Variants in LRRIQ3 observed in about 807,000 individuals in gnomAD.
LRRIQ3 encodes the protein leucine rich repeats and IQ motif containing 3.
In LRRIQ3, 75 loss-of-function variants were observed where a neutral mutation model predicts 59.3. That is an observed-to-expected ratio of 1.26 (90% CI 1.05 to 1.53). The LOEUF is 1.53. LRRIQ3 is among the 40% of genes most tolerant of loss of function. LRRIQ3 has a pLI of 0.00. For missense variants in LRRIQ3, 831 were observed against 710.0 expected (o/e 1.17, Z -1.94); for synonymous variants, 250 against 231.3 (o/e 1.08, Z -0.73).
chr1:74,130,744 A>C (rs913124601), intron 4 of LRRIQ3, among the ~76,000 whole-genome samples: 11 of 152,060 alleles, frequency 7.2e-5, no homozygotes, highest in Non-Finnish European at 1.6e-4. Flanking sequence ...GTTTGTTTTT[A>C]AATAAAAATC....
intron 4 of LRRIQ3, among the ~76,000 whole-genome samples, chr1:74,112,640 G>A (rs970385159): frequency 1.3e-5 from 2 of 152,112 alleles, no homozygotes; most frequent in African/African-American, 4.8e-5. Context: ...CAGCCTAACA[G>A]GGAAATCAGA....
intron 3 of LRRIQ3, among the ~76,000 whole-genome samples, chr1:74,163,323 C>G (rs1174854543): frequency 6.6e-6 from 1 of 151,490 alleles, no homozygotes; most frequent in African/African-American, 2.4e-5. Context: ...ACTTCCCACA[C>G]TAGCATGGAA....
At chr1:74,133,413 G>C (rs1178846833) in intron 4 of LRRIQ3, among the ~76,000 whole-genome samples, 4 of 151,974 alleles carry the variant, frequency 2.6e-5, no homozygotes, top group Non-Finnish European at 4.4e-5. Flanking sequence ...ACATGCACAT[G>C]TATGTTTATT....
intron 7 of LRRIQ3, among the ~76,000 whole-genome samples, chr1:74,038,424 T>TC (rs902271946): frequency 3.9e-5 from 6 of 151,950 alleles, no homozygotes; most frequent in African/African-American, 1.2e-4. Flanking sequence ...CAAGTGGGTT[T>TC]CCCCCCCAGC....
intron 5 of LRRIQ3, among the ~76,000 whole-genome samples, chr1:74,080,484 G>C (rs17094819): frequency 0.034 from 5,088 of 151,668 alleles, 305 homozygotes; most frequent in African/African-American, 0.12. Context: ...GGTAGCAGTG[G>C]TAACCATTGC....
chr1:74,196,415 T>C (rs1651131195), intron 1 of LRRIQ3, among the ~76,000 whole-genome samples: 1 of 152,172 alleles, frequency 6.6e-6, no homozygotes, highest in South Asian at 2.1e-4. Flanking sequence ...TTAAAATTAA[T>C]TCTATCTTCT....
chr1:74,134,169 G>C (rs1647078516), intron 4 of LRRIQ3, among the ~76,000 whole-genome samples: 1 of 151,958 alleles, frequency 6.6e-6, no homozygotes, highest in African/African-American at 2.4e-5. Flanking sequence ...TCTTTCCAAA[G>C]AGTAATTGTA....
At chr1:74,178,861 C>A (rs1194261330) in intron 3 of LRRIQ3, among the ~76,000 whole-genome samples, 2 of 152,046 alleles carry the variant, frequency 1.3e-5, no homozygotes, top group African/African-American at 4.8e-5. Flanking sequence ...TTGTTCTCAT[C>A]AATCCCTTTT....
intron 5 of LRRIQ3, among the ~76,000 whole-genome samples, chr1:74,088,102 C>CA (rs1332964929): frequency 6.6e-6 from 1 of 150,932 alleles, no homozygotes; most frequent in Admixed American, 6.6e-5. Flanking sequence ...AACAAACAAA[C>CA]AAAAAAACAA....
intron 4 of LRRIQ3, among the ~76,000 whole-genome samples, chr1:74,113,332 T>C (rs1372892891): frequency 1.3e-5 from 2 of 151,690 alleles, no homozygotes; most frequent in African/African-American, 4.8e-5. Context: ...AAGAAAATAA[T>C]AGAGACAGAG....
At chr1:74,130,802 T>G (rs1466578371) in intron 4 of LRRIQ3, among the ~76,000 whole-genome samples, 1 of 152,042 alleles carries the variant, frequency 6.6e-6, no homozygotes, top group Non-Finnish European at 1.5e-5. Context: ...ATTGACACCC[T>G]AACATCACAA....
Position 74,041,535 on chromosome 1 carries a change from A to AT in LRRIQ3, c.1395dup (p.Tyr466IlefsTer8), listed in dbSNP as rs1456074613. 6 of 1,610,854 alleles carry AT rather than the reference A, an allele frequency of 3.7e-6. No individual in the cohort carries two copies. The Admixed American group carries it at 5.0e-5, about 13-fold the overall frequency. On this transcript the variant is annotated frameshift_variant, in exon 7 of 8. Transcript: ENST00000354431. LOFTEE classifies it high-confidence loss of function. ...TCTTCAATTAGTTTTTGTGTAGCAT[A>AT]TTTTTTCTGATTCAAATGTTCATTA...
intron 5 of LRRIQ3, among the ~76,000 whole-genome samples, chr1:74,107,982 A>G (rs1451363947): frequency 2.0e-5 from 3 of 151,786 alleles, no homozygotes; most frequent in African/African-American, 7.2e-5. Context: ...TATTCAAAAT[A>G]CTTGCAAAAC....
chr1:74,162,492 G>A (rs1159125903), intron 3 of LRRIQ3, among the ~76,000 whole-genome samples: 1 of 151,616 alleles, frequency 6.6e-6, no homozygotes, highest in African/African-American at 2.4e-5. Flanking sequence ...TACTAATCCT[G>A]GAACGAAATA....
intron 6 of LRRIQ3, among the ~76,000 whole-genome samples, chr1:74,049,533 T>C (rs934687790): frequency 6.6e-6 from 1 of 152,040 alleles, no homozygotes; most frequent in Non-Finnish European, 1.5e-5. Context: ...ATAACTTAGA[T>C]AGCAGAAGTG....
At chr1:74,175,255 C>T (rs747648418) in intron 3 of LRRIQ3, among the ~76,000 whole-genome samples, 1 of 152,142 alleles carries the variant, frequency 6.6e-6, no homozygotes, top group Non-Finnish European at 1.5e-5. Flanking sequence ...GACAGGTCTA[C>T]AGTCAGTCAA....
In LRRIQ3 at chr1:74,026,932, A is replaced by ATT. The variant is rs1557582614; in HGVS notation, c.1754_1755dup (p.Phe586AsnfsTer6). On this transcript the variant is annotated frameshift_variant, in exon 8 of 8. Coordinates refer to ENST00000354431, the MANE Select transcript of LRRIQ3 (RefSeq NM_001105659.2). LOFTEE classifies it low-confidence loss of function (END_TRUNC). Reference sequence around the variant, plus strand: ...TCAAAGGCAATCATATCCATAACAAATTTTTCTTCACAATGTCTTTTATAT... The same window carrying ATT: ...TCAAAGGCAATCATATCCATAACAAATTTTTTTCTTCACAATGTCTTTTATAT... 3.2e-6 allele frequency: 5 copies of ATT among 1,585,998 alleles called. No individual in the cohort carries two copies.
At chr1:74,185,943 G>A (rs548074641) in intron 1 of LRRIQ3, among the ~76,000 whole-genome samples, 12 of 151,656 alleles carry the variant, frequency 7.9e-5, no homozygotes, top group Non-Finnish European at 1.5e-4. Context: ...AACCAACACC[G>A]ATCAACATGG....
chr1:74,062,924 C>T (rs2100448440), intron 6 of LRRIQ3, among the ~76,000 whole-genome samples: 2 of 152,062 alleles, frequency 1.3e-5, no homozygotes, highest in Middle Eastern at 3.4e-3. Flanking sequence ...GTACACCAAA[C>T]CCATATAACA....
Sources: gnomAD v4.1 joint callset for allele counts (sites outside exome capture counted in the v4.1 genomes callset) on GRCh38, gnomAD v4.1.1 for gene constraint, MANE v1.5 for transcripts, NCBI Gene and HGNC (gene_info 2026-07-23, HGNC 2026-07-21) for gene names.